Variants in OPCML observed in about 807,000 individuals in gnomAD.
OPCML encodes the protein opioid-binding protein/cell adhesion molecule.
A neutral mutation model predicts 37.8 loss-of-function variants in OPCML; 13 were observed. That is an observed-to-expected ratio of 0.34 (90% CI 0.22 to 0.55). OPCML has a LOEUF of 0.55. OPCML is among the 20% of genes least tolerant of loss of function. The pLI, the probability that OPCML is intolerant of heterozygous loss-of-function variation, is 0.91. For missense variants in OPCML, 341 were observed against 435.6 expected (o/e 0.78, Z 1.93); for synonymous variants, 176 against 168.8 (o/e 1.04, Z -0.33).
chr11:133,484,486 C>T (rs939768997), intron 1 of OPCML, among the ~76,000 whole-genome samples: 21 of 151,882 alleles, frequency 1.4e-4, no homozygotes, highest in Admixed American at 1.4e-3. Flanking sequence ...CAGCCAAATC[C>T]ACAGGTAGGT....
intron 1 of OPCML, among the ~76,000 whole-genome samples, chr11:133,432,816 TGA>T (rs1402213028): frequency 4.6e-5 from 7 of 152,294 alleles, no homozygotes; most frequent in African/African-American, 1.7e-4. Flanking sequence ...GTTGCATTTT[TGA>T]GAGAGACACA....
chr11:133,115,368 A>T (rs1350052496), intron 1 of OPCML, among the ~76,000 whole-genome samples: 1 of 152,202 alleles, frequency 6.6e-6, no homozygotes, highest in African/African-American at 2.4e-5. Context: ...AGCCTATTAC[A>T]GTAATGGAGG....
intron 2 of OPCML, among the ~76,000 whole-genome samples, chr11:132,813,599 T>C (rs183066263): frequency 4.7e-4 from 71 of 152,312 alleles, no homozygotes; most frequent in Non-Finnish European, 7.2e-4. Context: ...TCTATCTTAA[T>C]TGGAGAGAAC....
At chr11:133,452,931 G>A (rs569060361) in intron 1 of OPCML, among the ~76,000 whole-genome samples, 3 of 152,052 alleles carry the variant, frequency 2.0e-5, no homozygotes, top group African/African-American at 4.8e-5. Context: ...AAGTAGCCAG[G>A]AAATCTTAAC....
intron 1 of OPCML, among the ~76,000 whole-genome samples, chr11:133,045,255 G>GTC (rs1318711908): frequency 1.3e-5 from 2 of 152,180 alleles, no homozygotes; most frequent in African/African-American, 4.8e-5. Flanking sequence ...GTTATTTCAT[G>GTC]TCTGCATTTT....
chr11:132,952,070 T>A (rs1591841587), intron 1 of OPCML, among the ~76,000 whole-genome samples: 1 of 152,358 alleles, frequency 6.6e-6, no homozygotes, highest in East Asian at 1.9e-4. Flanking sequence ...TGTACCCAGC[T>A]GTTCCATGTG....
intron 2 of OPCML, among the ~76,000 whole-genome samples, chr11:132,827,196 C>T (rs967230870): frequency 1.3e-5 from 2 of 152,046 alleles, no homozygotes; most frequent in African/African-American, 4.8e-5. Flanking sequence ...ATAACAGATA[C>T]AAAAACTACT....
chr11:133,140,182 G>C (rs1301992305), intron 1 of OPCML, among the ~76,000 whole-genome samples: 1 of 56,898 alleles, frequency 1.8e-5, no homozygotes. Context: ...GTGAGACTCC[G>C]TCTCAATAAT....
intron 1 of OPCML, among the ~76,000 whole-genome samples, chr11:133,020,991 T>C (rs1390458688): frequency 1.3e-5 from 2 of 152,192 alleles, no homozygotes; most frequent in Non-Finnish European, 2.9e-5. Flanking sequence ...AGACAGGCCA[T>C]TTAACCTAAG....
Position 132,530,768 on chromosome 11 carries a change from G to T in OPCML, c.380-1582C>A, listed in dbSNP as rs560274419. On this transcript the variant is annotated intron_variant, in intron 3 of 7. Transcript: ENST00000524381. The stretch of plus-strand genomic sequence containing the variant: ...AACCCACTGACAAACCTCATCTCAG[G>T]CCCTGTTTCCTCTAACACAGTACAT... 1.0e-3 allele frequency among the ~76,000 whole-genome samples: 152 copies of T among 152,090 alleles called. 3 individuals are homozygous for T. In the South Asian group the frequency reaches 0.031, roughly 31 times the overall value.
At chr11:133,328,361 T>C (rs749431499) in intron 1 of OPCML, among the ~76,000 whole-genome samples, 4 of 152,268 alleles carry the variant, frequency 2.6e-5, no homozygotes, top group Middle Eastern at 3.4e-3. Flanking sequence ...TTTTGCCATG[T>C]TGGCCAGCGT....
chr11:133,463,441 A>T (rs1363144185), intron 1 of OPCML, among the ~76,000 whole-genome samples: 1 of 152,208 alleles, frequency 6.6e-6, no homozygotes, highest in Non-Finnish European at 1.5e-5. Context: ...TGGTTATTTT[A>T]AAAAGACAAT....
intron 2 of OPCML, among the ~76,000 whole-genome samples, chr11:132,906,331 A>T (rs1186943974): frequency 6.6e-6 from 1 of 152,222 alleles, no homozygotes; most frequent in Non-Finnish European, 1.5e-5. Flanking sequence ...ATCTTAAATA[A>T]ATCTTTAAAT....
chr11:132,488,527 G>T (rs1332159718), intron 4 of OPCML, among the ~76,000 whole-genome samples: 1 of 152,186 alleles, frequency 6.6e-6, no homozygotes, highest in African/African-American at 2.4e-5. Flanking sequence ...TACTTGTATA[G>T]GGTGCTTATC....
At chr11:132,788,285 A>T (rs1197718026) in intron 2 of OPCML, among the ~76,000 whole-genome samples, 3 of 152,146 alleles carry the variant, frequency 2.0e-5, no homozygotes, top group Non-Finnish European at 4.4e-5. Context: ...ATGTCTTTTC[A>T]TCCACTTAAT....
Position 133,047,772 on chromosome 11 carries a change from G to A in OPCML, c.62-104762C>T, listed in dbSNP as rs1006148685. ...AGGGTGGGAAAAGGAGAAAGGATTT[G>A]AGAGAAAATAGTTTCATGAGAAGAC... On this transcript the variant is annotated intron_variant, in intron 1 of 7. Transcript: ENST00000524381. Among the ~76,000 whole-genome samples the A allele has an allele frequency of 7.2e-5, 11 of 152,324 alleles. No individual in the cohort carries two copies. The East Asian group carries it at 9.6e-4, about 13-fold the overall frequency.
intron 1 of OPCML, among the ~76,000 whole-genome samples, chr11:133,148,544 C>T (rs56812750): frequency 0.021 from 3,240 of 152,276 alleles, 107 homozygotes; most frequent in African/African-American, 0.075. Context: ...GACTGGCCTT[C>T]GGGTAGACAG....
At chr11:133,423,117 C>A in intron 1 of OPCML, 1 of 985,404 alleles carries the variant, frequency 1.0e-6, no homozygotes, top group South Asian at 4.7e-5. Flanking sequence ...CTTCTATTTG[C>A]CTTTCAGGAT....
chr11:132,591,513 T>TG (rs1297903989), intron 3 of OPCML, among the ~76,000 whole-genome samples: 3 of 152,208 alleles, frequency 2.0e-5, no homozygotes, highest in Admixed American at 1.3e-4. Flanking sequence ...GTTGGATACA[T>TG]GGCACCAGGA....
Sources: gnomAD v4.1 joint callset for allele counts (sites outside exome capture counted in the v4.1 genomes callset) on GRCh38, gnomAD v4.1.1 for gene constraint, MANE v1.5 for transcripts, NCBI Gene and HGNC (gene_info 2026-07-23, HGNC 2026-07-21) for gene names.